The following GPHN variants were observed in gnomAD, a reference collection of about 807,000 sequenced individuals.
GPHN encodes the protein gephyrin.
Under a neutral mutation model 95.5 loss-of-function variants are expected in GPHN, and 17 were observed. That is an observed-to-expected ratio of 0.18 (90% CI 0.12 to 0.27). The LOEUF (loss-of-function observed/expected upper bound fraction) is 0.27, where lower values mean the gene tolerates loss of function less well. Among genes scored for constraint, GPHN ranks in the 10% least tolerant of loss-of-function variants. The pLI is 1.00. For synonymous variants in GPHN, 320 were observed against 322.5 expected (o/e 0.99, Z 0.08); for missense variants, 660 against 978.1 (o/e 0.67, Z 4.34).
chr14:67,251,085 G>C, the GPHN span, among the ~76,000 whole-genome samples: 7 of 152,228 alleles, frequency 4.6e-5, no homozygotes, highest in Non-Finnish European at 1.5e-5. Context: ...ATAAGTGATA[G>C]AAAGGAGTTG....
chr14:66,907,744 C>T lies in GPHN; in HGVS notation c.390-8259C>T, dbSNP rs144994910. 3.0e-4 allele frequency among the ~76,000 whole-genome samples: 45 copies of T among 152,148 alleles called. No individual in the cohort carries two copies. In the East Asian group the frequency reaches 8.1e-3, roughly 27 times the overall value. ...AAAGGTAAAAGCAACTGCACATAAG[C>T]GCTTTAGTTGATAAAGTTGTATCCC... On this transcript the variant is annotated intron_variant, in intron 5 of 22. Coordinates refer to ENST00000478722, the MANE Select transcript of GPHN (RefSeq NM_020806.5).
intron 1 of GPHN, among the ~76,000 whole-genome samples, chr14:66,650,301 A>G (rs917088360): frequency 5.9e-4 from 90 of 152,208 alleles, no homozygotes; most frequent in African/African-American, 2.1e-3. Context: ...GAGTTTTTCA[A>G]AAGAAAAGAA....
chr14:66,643,461 T>G (rs922219426), intron 1 of GPHN, among the ~76,000 whole-genome samples: 3 of 152,084 alleles, frequency 2.0e-5, no homozygotes, highest in African/African-American at 7.2e-5. Flanking sequence ...TGTAATGACC[T>G]AAATTGGAAA....
chr14:67,719,122 T>A, the GPHN span, among the ~76,000 whole-genome samples: 7 of 152,344 alleles, frequency 4.6e-5, no homozygotes, highest in Admixed American at 4.6e-4. Flanking sequence ...AGTTATCCTT[T>A]TCCATTGGAG....
the GPHN span, among the ~76,000 whole-genome samples, chr14:67,389,986 T>G: frequency 3.0e-4 from 45 of 152,028 alleles, no homozygotes; most frequent in Non-Finnish European, 5.7e-4. Context: ...GGTTCCTGAC[T>G]GAAGCTCAGT....
At chr14:67,226,218 A>G in the GPHN span, among the ~76,000 whole-genome samples, 5 of 151,814 alleles carry the variant, frequency 3.3e-5, no homozygotes, top group Admixed American at 6.6e-5. Context: ...TTGAGACTGA[A>G]TCTTGCTCTG....
intron 2 of GPHN, among the ~76,000 whole-genome samples, chr14:66,715,805 A>T (rs948543179): frequency 6.6e-6 from 1 of 151,834 alleles, no homozygotes; most frequent in Admixed American, 6.6e-5. Context: ...TTTCTTTTGG[A>T]GTTGATTTCC....
At chr14:67,393,175 TC>T in the GPHN span, 1 of 1,613,718 alleles carries the variant, frequency 6.2e-7, no homozygotes, top group African/African-American at 1.3e-5. Context: ...TATAGGTGCT[TC>T]CCTGCTCCAT....
At chr14:67,646,340 G>A in the GPHN span, 1 of 349,148 alleles carries the variant, frequency 2.9e-6, no homozygotes. Flanking sequence ...TCAGTAATGT[G>A]CAATGGGATA....
chr14:67,035,139 A>G (rs568710914), intron 10 of GPHN, among the ~76,000 whole-genome samples: 1 of 152,040 alleles, frequency 6.6e-6, no homozygotes, highest in South Asian at 2.1e-4. Flanking sequence ...ATTAAATGAG[A>G]CACTCTTGAA....
At chr14:66,765,759 G>GA (rs544732966) in intron 2 of GPHN, among the ~76,000 whole-genome samples, 52 of 144,752 alleles carry the variant, frequency 3.6e-4, no homozygotes, top group African/African-American at 8.9e-4. Context: ...TACTGAAACA[G>GA]AAAAAAAAAA....
At chr14:67,402,674 T>C in the GPHN span, among the ~76,000 whole-genome samples, 1 of 152,238 alleles carries the variant, frequency 6.6e-6, no homozygotes, top group Non-Finnish European at 1.5e-5. Context: ...TGAGAACATG[T>C]GACATTTGTC....
chr14:66,954,517 C>T (rs1208555291), intron 8 of GPHN, among the ~76,000 whole-genome samples: 1 of 152,074 alleles, frequency 6.6e-6, no homozygotes, highest in Non-Finnish European at 1.5e-5. Flanking sequence ...ATTAGCTCTA[C>T]TTGTTCTTTT....
intron 9 of GPHN, among the ~76,000 whole-genome samples, chr14:66,970,043 A>G (rs1275775490): frequency 6.6e-6 from 1 of 150,960 alleles, no homozygotes; most frequent in Non-Finnish European, 1.5e-5. Context: ...GTACCTTAAA[A>G]GTTAGCAAAG....
intron 10 of GPHN, among the ~76,000 whole-genome samples, chr14:67,053,249 C>G (rs1356290876): frequency 4.2e-5 from 6 of 141,268 alleles, no homozygotes; most frequent in South Asian, 2.2e-4. Flanking sequence ...AGAGAAGAAT[C>G]AAATAGACAC....
intron 9 of GPHN, among the ~76,000 whole-genome samples, chr14:67,015,396 A>G (rs1192623914): frequency 6.6e-6 from 1 of 152,144 alleles, no homozygotes; most frequent in Admixed American, 6.5e-5. Context: ...TATGTTGTAC[A>G]TAGATTTAAA....
Position 66,915,927 on chromosome 14 carries a change from T to C in GPHN, c.390-76T>C, listed in dbSNP as rs529471370. On this transcript the variant is annotated intron_variant, in intron 5 of 22. Transcript: ENST00000478722. ...TTGTTCACATGTAAAGTAAAATGAT[T>C]GTTATTTGTTCTTAATGTATTTAAA... 1.5e-4 allele frequency: 125 copies of C among 834,464 alleles called. No individual in the cohort carries two copies. The East Asian group carries it at 3.0e-3, about 20-fold the overall frequency. 51.7% of individuals were successfully genotyped at this position (834,464 alleles called of 1,614,324 possible).
At chr14:67,015,213 G>T (rs1283530424) in intron 9 of GPHN, among the ~76,000 whole-genome samples, 1 of 152,072 alleles carries the variant, frequency 6.6e-6, no homozygotes, top group Non-Finnish European at 1.5e-5. Flanking sequence ...TTTAAGAATG[G>T]GTCAATACTG....
intron 17 of GPHN, among the ~76,000 whole-genome samples, chr14:67,142,821 G>T (rs2080566124): frequency 6.6e-6 from 1 of 152,152 alleles, no homozygotes; most frequent in African/African-American, 2.4e-5. Context: ...AAACAGCACA[G>T]GCTTAACCAT....
Sources: gnomAD v4.1 joint callset for allele counts (sites outside exome capture counted in the v4.1 genomes callset) on GRCh38, gnomAD v4.1.1 for gene constraint, MANE v1.5 for transcripts, NCBI Gene and HGNC (gene_info 2026-07-23, HGNC 2026-07-21) for gene names.